LYPD6: variants seen among roughly 807,000 people sequenced by gnomAD.
LYPD6 encodes LY6/PLAUR domain containing 6.
In LYPD6, 15 loss-of-function variants were observed where a neutral mutation model predicts 22.7. That is an observed-to-expected ratio of 0.66 (90% CI 0.44 to 1.02). LYPD6 has a LOEUF of 1.02. Ranked by LOEUF, LYPD6 falls within the 50% of genes least tolerant of loss-of-function variation. The probability of loss-of-function intolerance (pLI) is 0.00; values close to 1 mark genes in which losing one functional copy is unlikely to be tolerated. For synonymous variants in LYPD6, 72 were observed against 77.5 expected, an observed-to-expected ratio of 0.93 and a Z score of 0.37; for missense variants, 189 against 208.4, an observed-to-expected ratio of 0.91 and a Z score of 0.57.
At position 149,437,727 on chromosome 2, in the gene LYPD6, C is replaced by G. The variant is rs1316592460; in HGVS notation, c.19C>G (p.Leu7Val). 1.2e-6 allele frequency: 2 copies of G among 1,614,038 alleles called. No homozygotes were observed. The highest frequency in any genetic ancestry group is 1.7e-6 in the Non-Finnish European group (2 of 1,180,032). The change falls in exon 2 of 5, where the codon CTG becomes GTG. Residue 7 changes from leucine (L) to valine (V), a missense_variant. Transcript: ENST00000334166. The part of the protein sequence containing the change: MEPGPA[L>V]AWLLLLSLLA... ...GTCTGCCATGGAACCTGGCCCTGCT[C>G]TGGCCTGGCTCCTGCTCCTGAGCCT... is the stretch of plus-strand genomic sequence containing the variant.
chr2:149,356,434 T>TG (rs1238445684), intron 1 of LYPD6, among the ~76,000 whole-genome samples: 1 of 152,234 alleles, frequency 6.6e-6, no homozygotes, highest in Non-Finnish European at 1.5e-5. Flanking sequence ...GATGTTTTCC[T>TG]TCCCTACATG....
chr2:149,462,440 C>T (rs992728179), intron 3 of LYPD6, among the ~76,000 whole-genome samples: 2 of 151,316 alleles, frequency 1.3e-5, no homozygotes, highest in Non-Finnish European at 3.0e-5. Flanking sequence ...ATGGAAAGAC[C>T]GTGTTCATAG....
chr2:149,371,916 G>A (rs1048106230), intron 1 of LYPD6, among the ~76,000 whole-genome samples: 1 of 152,026 alleles, frequency 6.6e-6, no homozygotes, highest in African/African-American at 2.4e-5. Context: ...ACCATCGAGG[G>A]AGCAAAAACA....
intron 1 of LYPD6, among the ~76,000 whole-genome samples, chr2:149,416,023 C>T (rs374626258): frequency 4.6e-5 from 4 of 87,734 alleles, no homozygotes; most frequent in Non-Finnish European, 9.1e-5. Context: ...CTAACAATCC[C>T]GAGTCAAAGT....
intron 1 of LYPD6, among the ~76,000 whole-genome samples, chr2:149,374,880 T>C (rs910296285): frequency 2.0e-5 from 3 of 152,232 alleles, no homozygotes; most frequent in Non-Finnish European, 4.4e-5. Context: ...TTGTTTTGCA[T>C]GCAAGGAAAT....
At chr2:149,357,195 A>G (rs1341759647) in intron 1 of LYPD6, among the ~76,000 whole-genome samples, 2 of 152,246 alleles carry the variant, frequency 1.3e-5, no homozygotes, top group East Asian at 3.9e-4. Context: ...TTAACCATTG[A>G]ATTAGATTTT....
chr2:149,443,706 G>C (rs1410627593), intron 2 of LYPD6, among the ~76,000 whole-genome samples: 2 of 152,034 alleles, frequency 1.3e-5, no homozygotes, highest in Non-Finnish European at 2.9e-5. Context: ...TTTGGCGTTT[G>C]AGAACCTGTT....
At chr2:149,441,728 G>A (rs1405187705) in intron 2 of LYPD6, among the ~76,000 whole-genome samples, 2 of 152,180 alleles carry the variant, frequency 1.3e-5, no homozygotes, top group Non-Finnish European at 2.9e-5. Flanking sequence ...TTCAAAACAA[G>A]AGTTACTATT....
chr2:149,374,835 A>G (rs1281610126), intron 1 of LYPD6, among the ~76,000 whole-genome samples: 1 of 152,252 alleles, frequency 6.6e-6, no homozygotes, highest in African/African-American at 2.4e-5. Context: ...ATATGATATT[A>G]TAATACAATT....
downstream of LYPD6, among the ~76,000 whole-genome samples, chr2:149,475,238 A>G (rs16827049): frequency 7.2e-3 from 1,096 of 152,302 alleles, 17 homozygotes; most frequent in African/African-American, 0.025. Context: ...CTTACCTACT[A>G]GGAGTGAAGT....
chr2:149,443,202 C>T (rs1683606881), intron 2 of LYPD6, among the ~76,000 whole-genome samples: 1 of 152,158 alleles, frequency 6.6e-6, no homozygotes, highest in Admixed American at 6.5e-5. Context: ...AATTTGTGAA[C>T]ACTACAACTT....
chr2:149,364,881 A>G (rs973657461), intron 1 of LYPD6, among the ~76,000 whole-genome samples: 2 of 152,104 alleles, frequency 1.3e-5, no homozygotes, highest in Admixed American at 6.5e-5. Context: ...AGTACTCACA[A>G]TCTTCTAGGT....
chr2:149,485,779 G>T, the LYPD6 span, among the ~76,000 whole-genome samples: 2 of 152,102 alleles, frequency 1.3e-5, no homozygotes, highest in African/African-American at 4.8e-5. Flanking sequence ...TCAGAAAGGT[G>T]AGCTCAAAAT....
chr2:149,337,746 A>G (rs543108820), intron 1 of LYPD6, among the ~76,000 whole-genome samples: 2 of 152,300 alleles, frequency 1.3e-5, no homozygotes, highest in African/African-American at 2.4e-5. Context: ...GGAAATAAGC[A>G]TAGTTCTCAA....
intron 1 of LYPD6, among the ~76,000 whole-genome samples, chr2:149,376,822 C>T (rs1681932863): frequency 1.3e-5 from 2 of 152,204 alleles, no homozygotes; most frequent in Non-Finnish European, 2.9e-5. Context: ...GTAACCATTG[C>T]TACTGTTCCC....
At chr2:149,400,100 G>A (rs988940239) in intron 1 of LYPD6, among the ~76,000 whole-genome samples, 3 of 152,186 alleles carry the variant, frequency 2.0e-5, no homozygotes, top group Non-Finnish European at 4.4e-5. Context: ...GAGTGTCCTG[G>A]CAGTGGGAAG....
intron 1 of LYPD6, among the ~76,000 whole-genome samples, chr2:149,339,303 A>G (rs1445504198): frequency 3.3e-5 from 5 of 152,136 alleles, no homozygotes; most frequent in African/African-American, 4.8e-5. Flanking sequence ...GTGTGAAGAG[A>G]TGAGATCTAT....
intron 1 of LYPD6, among the ~76,000 whole-genome samples, chr2:149,376,340 T>C (rs2105082266): frequency 6.6e-6 from 1 of 152,268 alleles, no homozygotes; most frequent in African/African-American, 2.4e-5. Flanking sequence ...TGAATACTAT[T>C]AAAATAAATG....
At chr2:149,481,838 G>A in the LYPD6 span, among the ~76,000 whole-genome samples, 3 of 152,168 alleles carry the variant, frequency 2.0e-5, no homozygotes. Context: ...TTTATGCAAT[G>A]TGGTTATATT....
Sources: gnomAD v4.1 joint callset for allele counts (sites outside exome capture counted in the v4.1 genomes callset) on GRCh38, gnomAD v4.1.1 for gene constraint, MANE v1.5 for transcripts, NCBI Gene and HGNC (gene_info 2026-07-23, HGNC 2026-07-21) for gene names.